KIF21B: variants seen among roughly 807,000 people sequenced by gnomAD.
KIF21B encodes the protein kinesin-like protein KIF21B.
A neutral mutation model predicts 192.9 loss-of-function variants in KIF21B; 85 were observed. The observed-to-expected ratio is 0.44, with a 90% confidence interval of 0.37 to 0.53. The LOEUF is 0.53. Among genes scored for constraint, KIF21B ranks in the 20% least tolerant of loss-of-function variants. The probability of loss-of-function intolerance (pLI) is 0.00; values close to 1 mark genes in which losing one functional copy is unlikely to be tolerated. For missense variants in KIF21B, 1,716 were observed against 2,194.8 expected (o/e 0.78, Z 4.36); for synonymous variants, 832 against 884.6 (o/e 0.94, Z 1.05).
chr1:200,976,941 C>T (rs781188485), intron 31 of KIF21B, 48 bp from the exon 32 acceptor site: 2 of 1,448,214 alleles, frequency 1.4e-6, no homozygotes, highest in Non-Finnish European at 1.9e-6. Context: ...TAGAGGGGAC[C>T]CTGGGTTGGG....
chr1:200,978,853 A>G (rs116438798), intron 30 of KIF21B, among the ~76,000 whole-genome samples: 2,208 of 152,144 alleles, frequency 0.015, 57 homozygotes, highest in African/African-American at 0.051. Context: ...TGCTCAGCTA[A>G]CTAAAAATTT....
At chr1:200,986,684 G>A (rs1168670397) in intron 26 of KIF21B, among the ~76,000 whole-genome samples, 160 bp downstream of exon 26, 2 of 152,190 alleles carry the variant, frequency 1.3e-5, no homozygotes, top group Admixed American at 1.3e-4. Context: ...ACCTGACAGG[G>A]TGGGGAAGGG....
intron 28 of KIF21B, among the ~76,000 whole-genome samples, 172 bp from the exon 29 acceptor site, chr1:200,981,268 G>A (rs935012796): frequency 6.6e-6 from 1 of 152,264 alleles, no homozygotes; most frequent in African/African-American, 2.4e-5. Context: ...CCGGGAACGG[G>A]CTACACAGAG....
chr1:200,988,533 C>A lies in KIF21B; in HGVS notation c.3310G>T (p.Ala1104Ser), dbSNP rs777904600. 3 of 1,258,152 alleles carry A rather than the reference C, an allele frequency of 2.4e-6. No homozygotes were observed. The South Asian group carries it at 3.7e-5, about 15-fold the overall frequency. 77.9% of individuals were successfully genotyped at this position (1,258,152 alleles called of 1,614,324 possible). The change falls in exon 23 of 35, where the codon GCC (alanine) becomes TCC (serine). Residue 1104 changes from alanine (A) to serine (S), a missense_variant. By Grantham distance (99) the Ala-to-Ser change is moderately conservative. Coordinates refer to ENST00000461742, the MANE Select transcript of KIF21B (RefSeq NM_001252102.2). Reference protein sequence around the residue: ...IYNVQQENGYASTDEEISEFS... With the variant: ...IYNVQQENGYSSTDEEISEFS... Reference sequence around the variant, plus strand: ...TCTGAGATCTCCTCATCTGTGCTGGCGTAGCCATTCTCTGTGGGAGGGCGG... The same window carrying A: ...TCTGAGATCTCCTCATCTGTGCTGGAGTAGCCATTCTCTGTGGGAGGGCGG...
intron 8 of KIF21B, chr1:201,003,332 G>T: frequency 1.8e-6 from 1 of 555,614 alleles, no homozygotes. Flanking sequence ...AAGCTGGGGA[G>T]CCCTTCTTTC....
intron 1 of KIF21B, among the ~76,000 whole-genome samples, chr1:201,015,724 C>T (rs563712906): frequency 6.6e-6 from 1 of 152,282 alleles, no homozygotes; most frequent in African/African-American, 2.4e-5. Flanking sequence ...GGTCACTTAG[C>T]CATGTGGTGA....
At chr1:201,007,565 GACACAC>G (rs1201147433) in intron 3 of KIF21B, among the ~76,000 whole-genome samples, 3 of 124,502 alleles carry the variant, frequency 2.4e-5, no homozygotes, top group African/African-American at 9.4e-5. Flanking sequence ...CAAACACAGA[GACACAC>G]ACACAGACAC....
intron 1 of KIF21B, among the ~76,000 whole-genome samples, chr1:201,018,712 T>C (rs1658651847): frequency 6.6e-6 from 1 of 152,210 alleles, no homozygotes; most frequent in Non-Finnish European, 1.5e-5. Flanking sequence ...ATAACATCAA[T>C]CACCTAGCCA....
At chr1:200,988,148 C>A (rs796074897) in intron 24 of KIF21B, 148 bp downstream of exon 24, 10 of 803,790 alleles carry the variant, frequency 1.2e-5, no homozygotes, top group African/African-American at 8.4e-5. Context: ...ACCCCCAATT[C>A]CAGACTAAAT....
Position 200,990,488 on chromosome 1 carries a change from G to T in KIF21B, c.2835+88C>A. 6.5e-7 allele frequency: 1 copy of T among 1,530,490 alleles called. No homozygotes were observed. Among genetic ancestry groups the T allele is most frequent in the South Asian group, 1.2e-5 (1 of 82,960 alleles). The allele number at this position is 1,530,490 out of a possible 1,614,324, so 94.8% of individuals were successfully genotyped here. A position where few individuals can be genotyped will look rare whatever the true frequency, so the allele number is the denominator to read the frequency against. ...AAAAGGAGCAGAGGGAAGTGGGGCAGGGAAAGGTCTGAAGAGCCAGAGAAG... is the reference window on the plus strand; with the variant it reads ...AAAAGGAGCAGAGGGAAGTGGGGCATGGAAAGGTCTGAAGAGCCAGAGAAG... On this transcript the variant is annotated intron_variant, in intron 19 of 34. Transcript: ENST00000461742. The surrounding 1 kb of genome is among the most constrained non-coding windows in gnomAD (Gnocchi z 5.4).
Position 201,023,439 on chromosome 1 carries a change from T to A in KIF21B, c.-56A>T. On this transcript the variant is annotated 5_prime_UTR_variant, in exon 1 of 35. Transcript: ENST00000461742. The surrounding 1 kb of genome is among the most constrained non-coding windows in gnomAD (Gnocchi z 5.9). ...TCAGAGGCGGGGGTCTGGGGGCCAA[T>A]GCCCGAGGCAGCGGCTGCGGCTGCG... is the stretch of plus-strand genomic sequence containing the variant. The A allele has an allele frequency of 5.5e-6, 7 of 1,276,386 alleles. No individual in the cohort carries two copies. In the South Asian group the frequency reaches 6.7e-5, roughly 12 times the overall value. The allele number at this position is 1,276,386 out of a possible 1,614,324, so 79.1% of individuals were successfully genotyped here. A position where few individuals can be genotyped will look rare whatever the true frequency, so the allele number is the denominator to read the frequency against.
Position 201,023,192 on chromosome 1 carries a change from C to A in KIF21B, c.41+151G>T, listed in dbSNP as rs1160756263. ...CGCTCCCCTGCGGCAGACTGGCCAG[C>A]GCGCGGCGCCCTCCATCCCGTCCCA... On this transcript the variant is annotated intron_variant, in intron 1 of 34. Transcript: ENST00000461742. This position sits in a 1 kb window ranked among gnomAD's most constrained non-coding sequence, Gnocchi z 5.9. The A allele has an allele frequency of 2.6e-5, 15 of 571,954 alleles. No individual in the cohort carries two copies. The highest frequency in any genetic ancestry group is 3.3e-5 in the Non-Finnish European group (12 of 363,028). 35.4% of individuals were successfully genotyped at this position (571,954 alleles called of 1,614,324 possible). A position where few individuals can be genotyped will look rare whatever the true frequency, so the allele number is the denominator to read the frequency against.
intron 15 of KIF21B, among the ~76,000 whole-genome samples, chr1:200,993,460 G>A (rs12567900): frequency 0.034 from 5,137 of 152,282 alleles, 245 homozygotes; most frequent in East Asian, 0.21. Flanking sequence ...AAAGGAAACA[G>A]GCCGAGCGCG....
rs1571906349 is a variant in KIF21B, at chr1:200,975,024, A to T, written c.4615-111T>A. 3.6e-6 allele frequency: 4 copies of T among 1,120,226 alleles called. No individual in the cohort carries two copies. In the East Asian group the frequency reaches 9.6e-5, roughly 27 times the overall value. 69.4% of individuals were successfully genotyped at this position (1,120,226 alleles called of 1,614,324 possible). A position where few individuals can be genotyped will look rare whatever the true frequency, so the allele number is the denominator to read the frequency against. On this transcript the variant is annotated intron_variant, in intron 33 of 34. Coordinates refer to ENST00000461742, the MANE Select transcript of KIF21B (RefSeq NM_001252102.2). The surrounding 1 kb of genome is among the most constrained non-coding windows in gnomAD (Gnocchi z 4.3). Reference sequence around the variant, plus strand: ...CTACTTCCAGGCTCCCCTGGCCTCTAGAGCTGCCACACGGGCGGGTGACAC... The same window carrying T: ...CTACTTCCAGGCTCCCCTGGCCTCTTGAGCTGCCACACGGGCGGGTGACAC...
rs28654788 is a variant in KIF21B, at chr1:201,007,177, C to T, written c.448-1483G>A. Among the ~76,000 whole-genome samples, 7 of 144,792 alleles carry T rather than the reference C, an allele frequency of 4.8e-5. No individual in the cohort carries two copies. The South Asian group carries it at 1.3e-3, about 27-fold the overall frequency. 95.0% of individuals were successfully genotyped at this position (144,792 alleles called of 152,430 possible). A position where few individuals can be genotyped will look rare whatever the true frequency, so the allele number is the denominator to read the frequency against. Reference sequence around the variant, plus strand: ...ACGGACACAGAGACACACAGACACACACACAGACACAGAGACACACAGACA... The same window carrying T: ...ACGGACACAGAGACACACAGACACATACACAGACACAGAGACACACAGACA... On this transcript the variant is annotated intron_variant, in intron 3 of 34. Coordinates refer to ENST00000461742, the MANE Select transcript of KIF21B (RefSeq NM_001252102.2).
rs1382524552 is a variant in KIF21B, at chr1:200,974,725, G to C, written c.4803C>G (p.Phe1601Leu). The change falls in exon 34 of 35, where the codon TTC becomes TTG. Residue 1601 changes from phenylalanine (F) to leucine (L), a missense_variant. Coordinates refer to ENST00000461742, the MANE Select transcript of KIF21B (RefSeq NM_001252102.2). The part of the protein sequence containing the change: ...NAICTNAKHI[F>L]TASSDLTVKF... The stretch of plus-strand genomic sequence containing the variant: ...TGACCAGCACCCACCTGGAGGCTGT[G>C]AAGATATGCTTGGCATTGGTGCAGA... 6.2e-7 allele frequency: 1 copy of C among 1,614,160 alleles called. No individual in the cohort carries two copies. Among genetic ancestry groups the C allele is most frequent in the Admixed American group, 1.7e-5 (1 of 60,020 alleles).
rs752619880 is a variant in KIF21B at position 200,991,134 on chromosome 1, G to A, written c.2470C>T (p.Arg824Cys). 6.8e-6 allele frequency: 11 copies of A among 1,613,218 alleles called. No individual in the cohort carries two copies. The highest frequency in any genetic ancestry group is 1.1e-5 in the South Asian group (1 of 91,078). The change falls in exon 18 of 35, where the codon CGC (arginine) becomes TGC (cysteine). Residue 824 changes from arginine to cysteine, a missense_variant. Physicochemically the swap from Arg to Cys is radical, Grantham distance 180. Around this residue, in one of 3 missense-constraint regions of KIF21B, gnomAD observed 1,087 missense variants for 1,316.6 expected, o/e 0.83. Coordinates refer to ENST00000461742, the MANE Select transcript of KIF21B (RefSeq NM_001252102.2). ...RKTQEVSALR[R>C]LAKPMSERVA... is the part of the protein sequence containing the mutation. ...CGCTCAGACATGGGCTTGGCCAGGC[G>A]CCTCAGTGCAGAAACCTGGGGCAGC... is the stretch of plus-strand genomic sequence containing the variant.
In KIF21B at chr1:200,990,926, C is replaced by T. The variant is rs771556735; in HGVS notation, c.2678G>A (p.Arg893His). Residue 893 changes from arginine to histidine, a missense_variant, in exon 18 of 35, where the codon CGT (arginine) becomes CAT (histidine). Arg to His is a conservative substitution (Grantham distance 29). Transcript: ENST00000461742. The surrounding 1 kb of genome is among the most constrained non-coding windows in gnomAD (Gnocchi z 5.4). Reference protein sequence around the residue: ...DHPAPTVNGTRPARKKFQKKG... With the variant: ...DHPAPTVNGTHPARKKFQKKG... ...TGCCAGTCCACCTTACCGGGCAGGA[C>T]GGGTGCCATTGACAGTGGGCGCAGG... The T allele has an allele frequency of 1.4e-5, 23 of 1,614,018 alleles. No individual in the cohort carries two copies. The highest frequency in any genetic ancestry group is 5.3e-5 in the African/African-American group (4 of 74,924).
chr1:200,973,393 G>A lies in KIF21B; in HGVS notation c.*128C>T. 8.5e-7 allele frequency: 1 copy of A among 1,183,246 alleles called. No homozygotes were observed. Among genetic ancestry groups the A allele is most frequent in the Non-Finnish European group, 1.1e-6 (1 of 903,688 alleles). 73.3% of individuals were successfully genotyped at this position (1,183,246 alleles called of 1,614,324 possible). ...TGGGAAGGCCAAGGGAGAGGGAGGAGGGCAGGAGAGGGGGCCACGCCCTCT... is the reference window on the plus strand; with the variant it reads ...TGGGAAGGCCAAGGGAGAGGGAGGAAGGCAGGAGAGGGGGCCACGCCCTCT... On this transcript the variant is annotated 3_prime_UTR_variant, in exon 35 of 35. Coordinates refer to ENST00000461742, the MANE Select transcript of KIF21B (RefSeq NM_001252102.2).
Sources: allele counts gnomAD v4.1 joint callset (sites outside exome capture counted in the v4.1 genomes callset), GRCh38; gene constraint gnomAD v4.1.1; regional missense constraint gnomAD v4.1.1; non-coding constraint Gnocchi (gnomAD v3.1); transcripts MANE v1.5; gene names NCBI Gene and HGNC (gene_info 2026-07-23, HGNC 2026-07-21).